Variants in TENM2 observed in about 807,000 individuals in gnomAD.
TENM2 encodes the protein teneurin transmembrane protein 2, also known as teneurin-2.
In TENM2, 52 loss-of-function variants were observed where a neutral mutation model predicts 245.2. That is an observed-to-expected ratio of 0.21 (90% CI 0.17 to 0.27). TENM2 has a LOEUF of 0.27. Ranked by LOEUF, TENM2 falls within the 10% of genes least tolerant of loss-of-function variation. The probability of loss-of-function intolerance (pLI) is 1.00; values close to 1 mark genes in which losing one functional copy is unlikely to be tolerated. For missense variants in TENM2, 3,046 were observed against 3,666.8 expected (o/e 0.83, Z 4.37); for synonymous variants, 1,363 against 1,438.9 (o/e 0.95, Z 1.19).
At chr5:167,126,701 T>G in the TENM2 span, among the ~76,000 whole-genome samples, 1 of 152,314 alleles carries the variant, frequency 6.6e-6, no homozygotes, top group East Asian at 1.9e-4. Flanking sequence ...TTTTTTTTGT[T>G]TAATTTCTAA....
intron 2 of TENM2, among the ~76,000 whole-genome samples, chr5:167,751,115 G>C (rs184068228): frequency 1.3e-5 from 2 of 152,282 alleles, no homozygotes; most frequent in East Asian, 3.9e-4. Context: ...CCAGGGTGGA[G>C]AGAGGAAGCA....
intron 5 of TENM2, among the ~76,000 whole-genome samples, chr5:168,006,929 G>A (rs937700466): frequency 3.3e-5 from 5 of 152,174 alleles, no homozygotes; most frequent in Non-Finnish European, 7.3e-5. Flanking sequence ...TGCCAGGGAT[G>A]AAGAAATCAG....
intron 2 of TENM2, among the ~76,000 whole-genome samples, chr5:167,446,605 C>T (rs1477239361): frequency 6.6e-6 from 1 of 152,142 alleles, no homozygotes; most frequent in African/African-American, 2.4e-5. Flanking sequence ...TGAACTGTTA[C>T]CCATAACATT....
chr5:167,905,225 C>T (rs779672234), intron 3 of TENM2, among the ~76,000 whole-genome samples: 5 of 152,058 alleles, frequency 3.3e-5, no homozygotes, highest in Admixed American at 6.6e-5. Flanking sequence ...CCCGACAGTT[C>T]GGAATACACA....
At chr5:167,065,599 T>C in the TENM2 span, among the ~76,000 whole-genome samples, 1 of 152,202 alleles carries the variant, frequency 6.6e-6, no homozygotes, top group Non-Finnish European at 1.5e-5. Context: ...TATTTTCAGC[T>C]AACTACAAAT....
chr5:168,233,384 G>A (rs563862923), intron 25 of TENM2, among the ~76,000 whole-genome samples: 1 of 152,246 alleles, frequency 6.6e-6, no homozygotes, highest in East Asian at 1.9e-4. Flanking sequence ...GCAGGGACCA[G>A]GTCGCCCCTG....
At chr5:167,591,404 T>C (rs894994560) in intron 2 of TENM2, among the ~76,000 whole-genome samples, 7 of 152,210 alleles carry the variant, frequency 4.6e-5, no homozygotes, top group Admixed American at 1.3e-4. Context: ...AAATATATAA[T>C]CTATTACTCA....
intron 2 of TENM2, among the ~76,000 whole-genome samples, chr5:167,709,239 C>T (rs1325838283): frequency 1.1e-4 from 17 of 152,200 alleles, no homozygotes; most frequent in Admixed American, 1.1e-3. Context: ...ACTGCGTGGT[C>T]TTCTCTTATC....
At chr5:167,350,432 T>A (rs1467528181) in intron 1 of TENM2, among the ~76,000 whole-genome samples, 1 of 150,120 alleles carries the variant, frequency 6.7e-6, no homozygotes, top group African/African-American at 2.5e-5. Context: ...TGTGTGTGTG[T>A]GTGTGTGTGT....
the TENM2 span, among the ~76,000 whole-genome samples, chr5:167,249,641 G>T: frequency 6.6e-6 from 1 of 152,114 alleles, no homozygotes; most frequent in African/African-American, 2.4e-5. Flanking sequence ...ATTTAAGGAA[G>T]TTAGATATTA....
intron 6 of TENM2, among the ~76,000 whole-genome samples, chr5:168,058,191 G>A (rs971398335): frequency 1.3e-5 from 2 of 152,172 alleles, no homozygotes; most frequent in South Asian, 2.1e-4. Flanking sequence ...CCTTACACAT[G>A]TAGATTTTCA....
chr5:168,172,499 C>G (rs911110236), intron 13 of TENM2, among the ~76,000 whole-genome samples: 1 of 152,168 alleles, frequency 6.6e-6, no homozygotes, highest in African/African-American at 2.4e-5. Context: ...CCAGAGAGAA[C>G]AAGTGGCTTG....
intron 3 of TENM2, among the ~76,000 whole-genome samples, chr5:167,883,805 C>T (rs149601737): frequency 5.8e-4 from 89 of 152,286 alleles, no homozygotes; most frequent in Non-Finnish European, 4.4e-4. Context: ...TAGCTTCCTG[C>T]GTAATATTCA....
At chr5:167,168,607 C>T in the TENM2 span, among the ~76,000 whole-genome samples, 1 of 152,148 alleles carries the variant, frequency 6.6e-6, no homozygotes, top group East Asian at 1.9e-4. Context: ...AGGCTTTGTG[C>T]GTTGTTTTCC....
chr5:167,846,625 C>T (rs1016249231), intron 2 of TENM2, among the ~76,000 whole-genome samples: 3 of 152,080 alleles, frequency 2.0e-5, no homozygotes, highest in African/African-American at 7.2e-5. Context: ...GTTTCAATAA[C>T]ATTAAAAATT....
chr5:167,651,396 G>C (rs1368851808), intron 2 of TENM2, among the ~76,000 whole-genome samples: 2 of 151,700 alleles, frequency 1.3e-5, no homozygotes, highest in African/African-American at 4.8e-5. Flanking sequence ...AGGCTGCTGA[G>C]GAGTATCCAT....
the TENM2 span, among the ~76,000 whole-genome samples, chr5:166,984,825 C>T: frequency 3.9e-5 from 6 of 152,116 alleles, 1 homozygote; most frequent in East Asian, 7.7e-4. Flanking sequence ...CAAGCCATTT[C>T]ATATGTAAGA....
At chr5:167,971,388 A>T (rs989692015) in intron 4 of TENM2, among the ~76,000 whole-genome samples, 1 of 118,190 alleles carries the variant, frequency 8.5e-6, no homozygotes, top group Non-Finnish European at 1.7e-5. Flanking sequence ...CAAGGTCAAC[A>T]TGAATTGGGT....
chr5:167,668,725 C>A (rs948506165), intron 2 of TENM2, among the ~76,000 whole-genome samples: 1 of 152,148 alleles, frequency 6.6e-6, no homozygotes, highest in Admixed American at 6.6e-5. Flanking sequence ...GAGGCCAAGG[C>A]GGGCAGATCG....
Sources: gnomAD v4.1 joint callset for allele counts (sites outside exome capture counted in the v4.1 genomes callset) on GRCh38, gnomAD v4.1.1 for gene constraint, MANE v1.5 for transcripts, NCBI Gene and HGNC (gene_info 2026-07-23, HGNC 2026-07-21) for gene names.